Variants in PTPRN2 observed in about 807,000 individuals in gnomAD.
PTPRN2 encodes receptor-type tyrosine-protein phosphatase N2.
Under a neutral mutation model 118.8 loss-of-function variants are expected in PTPRN2, and 74 were observed. That is an observed-to-expected ratio of 0.62 (90% confidence interval 0.52 to 0.76). The LOEUF is 0.76. PTPRN2 is among the 30% of genes least tolerant of loss of function. PTPRN2 has a pLI of 0.00. For synonymous variants in PTPRN2, 641 were observed against 608.0 expected (o/e 1.05, Z -0.80); for missense variants, 1,481 against 1,394.4 (o/e 1.06, Z -0.99).
chr7:158,477,076 A>C (rs1820328629), intron 2 of PTPRN2, among the ~76,000 whole-genome samples: 1 of 152,160 alleles, frequency 6.6e-6, no homozygotes, highest in South Asian at 2.1e-4. Flanking sequence ...GGTTTTATTC[A>C]TTGGAATTTG....
At chr7:158,146,342 T>C (rs778735063) in intron 6 of PTPRN2, among the ~76,000 whole-genome samples, 15 of 152,166 alleles carry the variant, frequency 9.9e-5, no homozygotes, top group Non-Finnish European at 1.8e-4. Context: ...TCTCCGTCCA[T>C]CCCTCCACCC....
Position 157,572,413 on chromosome 7 carries a change from C to T in PTPRN2, c.2784-920G>A, listed in dbSNP as rs138024963. Among the ~76,000 whole-genome samples, 6 of 152,332 alleles carry T rather than the reference C, an allele frequency of 3.9e-5. 1 individual carries two copies. Among genetic ancestry groups the T allele is most frequent in the African/African-American group, 1.4e-4 (6 of 41,576 alleles). On this transcript the variant is annotated intron_variant, in intron 19 of 22. Coordinates refer to ENST00000389418, the MANE Select transcript of PTPRN2 (RefSeq NM_002847.5). The stretch of plus-strand genomic sequence containing the variant: ...ATGGACCATCAATGGGAAAATGTCA[C>T]GTTTCTTTGCAAAGCCTTGCCTATC...
chr7:157,556,960 C>T (rs560387154), intron 21 of PTPRN2, among the ~76,000 whole-genome samples: 3 of 151,540 alleles, frequency 2.0e-5, no homozygotes, highest in Admixed American at 2.0e-4. Context: ...ACGCTCATGT[C>T]ATATGCACAC....
In PTPRN2 at chr7:157,671,502, G is replaced by A. The variant is rs1796410605; in HGVS notation, c.2001+11223C>T. 6.6e-6 allele frequency among the ~76,000 whole-genome samples: 1 copy of A among 151,466 alleles called. No individual in the cohort carries two copies. Among genetic ancestry groups the A allele is most frequent in the Non-Finnish European group, 1.5e-5 (1 of 67,926 alleles). On this transcript the variant is annotated intron_variant, in intron 13 of 22. Coordinates refer to ENST00000389418, the MANE Select transcript of PTPRN2 (RefSeq NM_002847.5). This position sits in a 1 kb window ranked among gnomAD's most constrained non-coding sequence, Gnocchi z 4.1. ...TGCACAGGGCTGGACAGATGGGAGG[G>A]TCTGCAGGGATAAAGTGGGAGGGGG...
At position 157,550,829 on chromosome 7, in the gene PTPRN2, G is replaced by A. The variant is rs75463181; in HGVS notation, c.2903-1810C>T. On this transcript the variant is annotated intron_variant, in intron 21 of 22. Transcript: ENST00000389418. The surrounding 1 kb of genome is among the most constrained non-coding windows in gnomAD (Gnocchi z 5.2). ...GGGTGGAAGGCGGGGTCAGGTGCAC[G>A]GGTTTGCTTAATTGCTCCTTTTGGG... Among the ~76,000 whole-genome samples, 339 of 152,332 alleles carry A rather than the reference G, an allele frequency of 2.2e-3. 1 individual carries two copies. Among genetic ancestry groups the A allele is most frequent in the African/African-American group, 7.5e-3 (313 of 41,566 alleles).
intron 2 of PTPRN2, among the ~76,000 whole-genome samples, chr7:158,407,036 C>G (rs190130786): frequency 6.6e-6 from 1 of 152,222 alleles, no homozygotes; most frequent in African/African-American, 2.4e-5. Context: ...AGCAAGGAAC[C>G]CTCCAGGGAG....
chr7:158,035,584 A>C (rs959524164), intron 11 of PTPRN2, among the ~76,000 whole-genome samples: 4 of 152,250 alleles, frequency 2.6e-5, no homozygotes, highest in Non-Finnish European at 5.9e-5. Context: ...CCTGCCCTGC[A>C]CAAAAGGAAT....
At chr7:158,083,949 G>A (rs566153417) in intron 10 of PTPRN2, among the ~76,000 whole-genome samples, 43 of 12,798 alleles carry the variant, frequency 3.4e-3, no homozygotes, top group East Asian at 0.042. Context: ...AGGCTCTGAC[G>A]TGGGAAGAAG....
rs112615952 is a variant in PTPRN2 at position 157,593,251 on chromosome 7, T to C, written c.2496+1987A>G. Reference sequence around the variant, plus strand: ...GGGTGGATGTGGGCATCATCATGGTTGTTGCGCGTGGACACCGAGAGCCTT... The same window carrying C: ...GGGTGGATGTGGGCATCATCATGGTCGTTGCGCGTGGACACCGAGAGCCTT... On this transcript the variant is annotated intron_variant, in intron 17 of 22. Transcript: ENST00000389418. Among the ~76,000 whole-genome samples, 440 of 127,532 alleles carry C rather than the reference T, an allele frequency of 3.5e-3. 3 individuals carry two copies. The highest frequency in any genetic ancestry group is 0.011 in the African/African-American group (374 of 32,994). The allele number at this position is 127,532 out of a possible 152,430, so 83.7% of individuals were successfully genotyped here. A position where few individuals can be genotyped will look rare whatever the true frequency, so the allele number is the denominator to read the frequency against.
At chr7:158,243,604 C>T (rs1469741648) in intron 3 of PTPRN2, among the ~76,000 whole-genome samples, 3 of 152,190 alleles carry the variant, frequency 2.0e-5, no homozygotes, top group African/African-American at 7.2e-5. Flanking sequence ...AGGAAGCCCA[C>T]AAAGGTTGAT....
At position 158,587,608 on chromosome 7, in the gene PTPRN2, G is replaced by A; in HGVS notation, c.62C>T (p.Pro21Leu). Residue 21 changes from proline to leucine, a missense_variant, in exon 1 of 23, where the codon CCT becomes CTT. Coordinates refer to ENST00000389418, the MANE Select transcript of PTPRN2 (RefSeq NM_002847.5). ...LLLLLPPRVL[P>L]AAPSSVPRGR... The stretch of plus-strand genomic sequence containing the variant: ...GCGGGGGACGGACGAAGGGGCGGCA[G>A]GCAGGACGCGTGGCGGCAGCAGCAG... 1 of 1,362,028 alleles carries A rather than the reference G, an allele frequency of 7.3e-7. No homozygotes were observed. The highest frequency in any genetic ancestry group is 3.1e-5 in the East Asian group (1 of 32,642). 84.4% of individuals were successfully genotyped at this position (1,362,028 alleles called of 1,614,324 possible).
chr7:158,326,808 C>T, intron 2 of PTPRN2, among the ~76,000 whole-genome samples: 1 of 137,994 alleles, frequency 7.2e-6, no homozygotes, highest in South Asian at 2.6e-4. Context: ...CACATTCTCA[C>T]ACATGCACAC....
intron 3 of PTPRN2, among the ~76,000 whole-genome samples, chr7:158,274,737 G>T (rs1261837795): frequency 1.3e-5 from 2 of 152,152 alleles, no homozygotes; most frequent in Non-Finnish European, 2.9e-5. Context: ...CCTACGGGGG[G>T]AGTCACCCCA....
intron 3 of PTPRN2, among the ~76,000 whole-genome samples, chr7:158,257,818 C>A (rs1797132777): frequency 6.6e-6 from 1 of 152,250 alleles, no homozygotes; most frequent in African/African-American, 2.4e-5. Flanking sequence ...GGTGAGCCCG[C>A]CTGCAGAGGA....
At chr7:158,507,685 C>T (rs556254563) in intron 1 of PTPRN2, among the ~76,000 whole-genome samples, 4 of 142,654 alleles carry the variant, frequency 2.8e-5, no homozygotes, top group Non-Finnish European at 4.5e-5. Flanking sequence ...GACAGCCCTG[C>T]GCTGGGCGGG....
chr7:157,730,536 A>G (rs1799836992), intron 12 of PTPRN2, among the ~76,000 whole-genome samples: 1 of 152,202 alleles, frequency 6.6e-6, no homozygotes, highest in Non-Finnish European at 1.5e-5. Flanking sequence ...AACTGAAAAT[A>G]AAGGCTGGGC....
Position 157,873,227 on chromosome 7 carries a change from A to G in PTPRN2, c.1788+25446T>C, listed in dbSNP as rs973949827. Among the ~76,000 whole-genome samples, 10 of 152,000 alleles carry G rather than the reference A, an allele frequency of 6.6e-5. No individual in the cohort carries two copies. The South Asian group carries it at 2.1e-3, about 32-fold the overall frequency. Reference sequence around the variant, plus strand: ...GGCTCCGACTGTCTCTCCTTTATCCACCAATGTTTCCGCCACCAGCGAGTG... The same window carrying G: ...GGCTCCGACTGTCTCTCCTTTATCCGCCAATGTTTCCGCCACCAGCGAGTG... On this transcript the variant is annotated intron_variant, in intron 12 of 22. Transcript: ENST00000389418.
At chr7:158,562,687 T>C (rs993752017) in intron 1 of PTPRN2, among the ~76,000 whole-genome samples, 1 of 152,202 alleles carries the variant, frequency 6.6e-6, no homozygotes, top group Non-Finnish European at 1.5e-5. Context: ...CCCTGTGTGC[T>C]TGCTTGGGAG....
At chr7:158,568,598 C>T (rs554031062) in intron 1 of PTPRN2, among the ~76,000 whole-genome samples, 10 of 152,130 alleles carry the variant, frequency 6.6e-5, no homozygotes, top group African/African-American at 2.2e-4. Flanking sequence ...ATAACAAATA[C>T]TCTAAACAAC....
Sources: gnomAD v4.1 joint callset for allele counts (sites outside exome capture counted in the v4.1 genomes callset) on GRCh38, gnomAD v4.1.1 for gene constraint, Gnocchi (gnomAD v3.1) non-coding constraint, MANE v1.5 for transcripts, NCBI Gene and HGNC (gene_info 2026-07-23, HGNC 2026-07-21) for gene names.